KDM2A: variants seen among roughly 807,000 people sequenced by gnomAD.
KDM2A encodes the protein lysine-specific demethylase 2A.
KDM2A carries 3 observed loss-of-function variants against 137.3 expected under a neutral mutation model. The observed-to-expected ratio is 0.02, with a 90% confidence interval of 0.01 to 0.06. The LOEUF (loss-of-function observed/expected upper bound fraction) is 0.06. Among genes scored for constraint, KDM2A ranks in the 10% least tolerant of loss-of-function variants. KDM2A has a pLI of 1.00. For missense variants in KDM2A, 738 were observed against 1,510.6 expected (o/e 0.49, Z 8.48); for synonymous variants, 512 against 541.5 (o/e 0.95, Z 0.76).
chr11:67,186,260 A>G (rs1857204022), intron 5 of KDM2A, among the ~76,000 whole-genome samples: 1 of 152,166 alleles, frequency 6.6e-6, no homozygotes, highest in Non-Finnish European at 1.5e-5. Flanking sequence ...AAATGACTAA[A>G]TGATTCATTA....
In KDM2A at chr11:67,219,385, C is replaced by G; in HGVS notation, c.939C>G (p.Asn313Lys). The G allele has an allele frequency of 6.2e-7, 1 of 1,601,264 alleles. No homozygotes were observed. The highest frequency in any genetic ancestry group is 1.1e-5 in the South Asian group (1 of 89,228). Reference sequence around the variant, plus strand: ...TCCCTATGCAGTTAAAAATATACAACATTGAAGATCGGACACGGGTAAGTA... The same window carrying G: ...TCCCTATGCAGTTAAAAATATACAAGATTGAAGATCGGACACGGGTAAGTA... ...FNIPMQLKIY[N>K]IEDRTRVPNK... Residue 313 changes from asparagine to lysine, a missense_variant, in exon 10 of 21, where the codon AAC (asparagine) becomes AAG (lysine). By Grantham distance (94) the Asn-to-Lys change is moderately conservative (BLOSUM62 0). Coordinates refer to ENST00000529006, the MANE Select transcript of KDM2A (RefSeq NM_012308.3).
Position 67,121,547 on chromosome 11 carries a change from A to G in KDM2A, c.42+189A>G, listed in dbSNP as rs528482651. 2.3e-4 allele frequency among the ~76,000 whole-genome samples: 35 copies of G among 152,276 alleles called. 1 individual carries two copies. The South Asian group carries it at 3.5e-3, about 15-fold the overall frequency. On this transcript the variant is annotated intron_variant, in intron 2 of 20. Coordinates refer to ENST00000529006, the MANE Select transcript of KDM2A (RefSeq NM_012308.3). The stretch of plus-strand genomic sequence containing the variant: ...GCCAAACATGTTTTATATTTTATAT[A>G]TTTATCTTGTTTGGAAATGGAGTTA...
chr11:67,245,475 G>T lies in KDM2A; in HGVS notation c.1833+17G>T. ...TGCTTGGCAGTGAGTGATCTGCTGGGTAAAGAATTTTGGGGAGGGGTGGCA... is the reference window on the plus strand; with the variant it reads ...TGCTTGGCAGTGAGTGATCTGCTGGTTAAAGAATTTTGGGGAGGGGTGGCA... On this transcript the variant is annotated intron_variant, in intron 14 of 20. Transcript: ENST00000529006. The surrounding 1 kb of genome is among the most constrained non-coding windows in gnomAD (Gnocchi z 4.1). The T allele has an allele frequency of 6.2e-7, 1 of 1,610,266 alleles. No homozygotes were observed. Among genetic ancestry groups the T allele is most frequent in the South Asian group, 1.1e-5 (1 of 90,978 alleles).
intron 6 of KDM2A, among the ~76,000 whole-genome samples, chr11:67,208,447 C>T (rs1373117122): frequency 1.3e-5 from 2 of 151,654 alleles, no homozygotes; most frequent in Non-Finnish European, 2.9e-5. Flanking sequence ...GGAACATTGA[C>T]CTTTGGATGT....
intron 2 of KDM2A, among the ~76,000 whole-genome samples, chr11:67,170,387 G>GT (rs796555976): frequency 5.9e-4 from 33 of 56,344 alleles, no homozygotes; most frequent in Admixed American, 1.7e-3. Flanking sequence ...CAAGCATGGG[G>GT]TTTTTTTTTT....
At chr11:67,184,567 C>T (rs980216172) in intron 5 of KDM2A, among the ~76,000 whole-genome samples, 1 of 152,182 alleles carries the variant, frequency 6.6e-6, no homozygotes, top group Non-Finnish European at 1.5e-5. Context: ...GCAGAGGTTG[C>T]AGTGAGCGAA....
chr11:67,204,469 C>T (rs1857741595), intron 5 of KDM2A, among the ~76,000 whole-genome samples: 1 of 151,030 alleles, frequency 6.6e-6, no homozygotes, highest in South Asian at 2.1e-4. Flanking sequence ...GTGTAGGCTT[C>T]TTTGATACAG....
chr11:67,248,625 G>T (rs1859319668), intron 16 of KDM2A: 1 of 415,702 alleles, frequency 2.4e-6, no homozygotes, highest in South Asian at 2.6e-5. Context: ...TTATACTCTG[G>T]GGCCCTACAA....
At position 67,224,828 on chromosome 11, in the gene KDM2A, ATTTTTTTTTTTTTTTT is replaced by A. The variant is rs764581976; in HGVS notation, c.958-3195_958-3180del. On this transcript the variant is annotated intron_variant, in intron 10 of 20. Transcript: ENST00000529006. ...ACCAGGGGCACTTGGCAGCTGCAGC[ATTTTTTTTTTTTTTTT>A]TTTTTTTTTTTTTGGAGACAGAGTT... is the stretch of plus-strand genomic sequence containing the variant. 5.0e-4 allele frequency among the ~76,000 whole-genome samples: 33 copies of A among 66,290 alleles called. 2 individuals carry two copies. The highest frequency in any genetic ancestry group is 2.4e-3 in the African/African-American group (29 of 12,008). 43.5% of individuals were successfully genotyped at this position (66,290 alleles called of 152,430 possible). A position where few individuals can be genotyped will look rare whatever the true frequency, so the allele number is the denominator to read the frequency against.
rs1856665726 is a variant in KDM2A at position 67,162,941 on chromosome 11, C to T, written c.43-17138C>T. 3.3e-5 allele frequency among the ~76,000 whole-genome samples: 5 copies of T among 152,216 alleles called. No individual in the cohort carries two copies. In the South Asian group the frequency reaches 1.0e-3, roughly 32 times the overall value. ...TGTCCAAGCAGGTCAAACTCCTGGCCTCAAGTGATCCTCTTGCCCCAGCCT... is the reference window on the plus strand; with the variant it reads ...TGTCCAAGCAGGTCAAACTCCTGGCTTCAAGTGATCCTCTTGCCCCAGCCT... On this transcript the variant is annotated intron_variant, in intron 2 of 20. Transcript: ENST00000529006.
At chr11:67,190,616 C>T (rs967042743) in intron 5 of KDM2A, among the ~76,000 whole-genome samples, 1 of 151,958 alleles carries the variant, frequency 6.6e-6, no homozygotes, top group Middle Eastern at 3.4e-3. Context: ...AAAAACTGAG[C>T]TGGACATGGT....
chr11:67,120,464 T>C (rs946318044), intron 1 of KDM2A, among the ~76,000 whole-genome samples: 2 of 152,334 alleles, frequency 1.3e-5, no homozygotes, highest in African/African-American at 4.8e-5. Flanking sequence ...GAAAACCCTT[T>C]CTTGGTATTA....
At chr11:67,171,504 T>C (rs934255563) in intron 2 of KDM2A, among the ~76,000 whole-genome samples, 1 of 152,162 alleles carries the variant, frequency 6.6e-6, no homozygotes, top group African/African-American at 2.4e-5. Context: ...GTTAAATGAT[T>C]TATTAAACTG....
At chr11:67,223,493 C>T (rs1042840291) in intron 10 of KDM2A, among the ~76,000 whole-genome samples, 3 of 152,100 alleles carry the variant, frequency 2.0e-5, no homozygotes, top group African/African-American at 2.4e-5. Flanking sequence ...GCCTCAACCT[C>T]GTAGGCTCAA....
At position 67,239,800 on chromosome 11, in the gene KDM2A, C is replaced by T. The variant is rs186294728; in HGVS notation, c.1480-3209C>T. ...GAATGAGTTAAAGCCTTCCCTTTGGCTGGCGCCTTCAGAAGTCTGCCACCG... is the reference window on the plus strand; with the variant it reads ...GAATGAGTTAAAGCCTTCCCTTTGGTTGGCGCCTTCAGAAGTCTGCCACCG... On this transcript the variant is annotated intron_variant, in intron 12 of 20. Coordinates refer to ENST00000529006, the MANE Select transcript of KDM2A (RefSeq NM_012308.3). 9.8e-5 allele frequency among the ~76,000 whole-genome samples: 15 copies of T among 152,374 alleles called. No individual in the cohort carries two copies. The East Asian group carries it at 2.9e-3, about 29-fold the overall frequency.
At chr11:67,167,758 A>G (rs1390952154) in intron 2 of KDM2A, among the ~76,000 whole-genome samples, 5 of 152,110 alleles carry the variant, frequency 3.3e-5, no homozygotes, top group Admixed American at 1.3e-4. Context: ...AAACTGTTCT[A>G]TGTACTGTTG....
intron 13 of KDM2A, chr11:67,244,985 C>CAA (rs367648085): frequency 2.5e-3 from 864 of 342,086 alleles, no homozygotes; most frequent in South Asian, 3.7e-3. Context: ...GACTCTGTCT[C>CAA]AAAAAAAAAA....
At chr11:67,138,815 C>T (rs548704339) in intron 2 of KDM2A, among the ~76,000 whole-genome samples, 38 of 152,134 alleles carry the variant, frequency 2.5e-4, no homozygotes, top group Admixed American at 4.6e-4. Context: ...GCCTGTGTTT[C>T]AACTAGTTCT....
At chr11:67,246,641 CT>C (rs1859218853) in intron 15 of KDM2A, among the ~76,000 whole-genome samples, 1 of 151,828 alleles carries the variant, frequency 6.6e-6, no homozygotes, top group Non-Finnish European at 1.5e-5. Flanking sequence ...CAGCATGGGC[CT>C]TGTGTTCCAA....
Sources: gnomAD v4.1 joint callset for allele counts (sites outside exome capture counted in the v4.1 genomes callset) on GRCh38, gnomAD v4.1.1 for gene constraint, Gnocchi (gnomAD v3.1) non-coding constraint, MANE v1.5 for transcripts, NCBI Gene and HGNC (gene_info 2026-07-23, HGNC 2026-07-21) for gene names.